Variants in TBCK observed in about 807,000 individuals in gnomAD.
TBCK encodes the protein TBC domain-containing protein kinase-like protein.
Under a neutral mutation model 113.4 loss-of-function variants are expected in TBCK, and 99 were observed. The observed-to-expected ratio is 0.87, with a 90% CI of 0.74 to 1.03. The LOEUF is 1.03. Among genes scored for constraint, TBCK ranks in the 50% least tolerant of loss-of-function variants. TBCK has a pLI of 0.00. For synonymous variants in TBCK, 369 were observed against 370.8 expected (o/e 1.00, Z 0.05); for missense variants, 1,045 against 1,061.3 (o/e 0.98, Z 0.21).
Position 106,202,600 on chromosome 4 carries a change from GT to G in TBCK, c.1861-7847del, listed in dbSNP as rs556566175. On this transcript the variant is annotated intron_variant, in intron 20 of 25. Coordinates refer to ENST00000394708, the MANE Select transcript of TBCK (RefSeq NM_001163435.3). ...AAACTGTTTCATAACAGGGGAAAAT[GT>G]TTTACAATTACTGGACTAATCAGAA... 3.5e-4 allele frequency among the ~76,000 whole-genome samples: 54 copies of G among 152,156 alleles called. No homozygotes were observed. In the South Asian group the frequency reaches 0.011, roughly 31 times the overall value.
Position 106,045,643 on chromosome 4 carries a change from G to C in TBCK, c.*927C>G, listed in dbSNP as rs1459667469. 6.6e-6 allele frequency: 1 copy of C among 152,254 alleles called. No individual in the cohort carries two copies. Among genetic ancestry groups the C allele is most frequent in the African/African-American group, 2.4e-5 (1 of 41,454 alleles). 9.4% of individuals were successfully genotyped at this position (152,254 alleles called of 1,614,324 possible). A position where few individuals can be genotyped will look rare whatever the true frequency, so the allele number is the denominator to read the frequency against. ...TGGTTTATGACCTTAAAGGGAAGGA[G>C]TGTGCTTCGCTTCTTTTCCTTTCTT... On this transcript the variant is annotated 3_prime_UTR_variant, in exon 26 of 26. Transcript: ENST00000394708.
At chr4:106,081,433 A>G (rs535261372) in intron 25 of TBCK, among the ~76,000 whole-genome samples, 3 of 152,272 alleles carry the variant, frequency 2.0e-5, no homozygotes, top group African/African-American at 7.2e-5. Flanking sequence ...AAAACCAAAT[A>G]TGTTCTCACT....
rs70941237 is a variant in TBCK, at chr4:106,130,589, TACACAC to T, written c.2236-14217_2236-14212del. On this transcript the variant is annotated intron_variant, in intron 23 of 25. Transcript: ENST00000394708. ...AATTATGGACCACTTTTGCGCTAAA[TACACAC>T]ACACACACACACACACACACACACA... Among the ~76,000 whole-genome samples the T allele has an allele frequency of 3.6e-3, 508 of 142,498 alleles. 2 individuals carry two copies. The highest frequency in any genetic ancestry group is 0.011 in the Middle Eastern group (3 of 280). The allele number at this position is 142,498 out of a possible 152,430, so 93.5% of individuals were successfully genotyped here.
At position 106,144,595 on chromosome 4, in the gene TBCK, C is replaced by A. The variant is rs1579037296; in HGVS notation, c.2235+26500G>T. Among the ~76,000 whole-genome samples, 5 of 152,100 alleles carry A rather than the reference C, an allele frequency of 3.3e-5. No homozygotes were observed. The South Asian group carries it at 1.0e-3, about 32-fold the overall frequency. ...AATGAATAAAACTTAAGTCAAAATT[C>A]TTTTAAAATTATGAGAGGGACAAAA... On this transcript the variant is annotated intron_variant, in intron 23 of 25. Transcript: ENST00000394708.
chr4:106,114,019 T>C (rs1387055917), intron 24 of TBCK, among the ~76,000 whole-genome samples: 2 of 152,154 alleles, frequency 1.3e-5, no homozygotes, highest in Non-Finnish European at 2.9e-5. Flanking sequence ...ACTCCTTAAT[T>C]GGAAAAGAAT....
chr4:106,272,042 C>T (rs1020972096), intron 3 of TBCK, among the ~76,000 whole-genome samples: 4 of 151,984 alleles, frequency 2.6e-5, no homozygotes, highest in Non-Finnish European at 4.4e-5. Flanking sequence ...CTTTGAGAAC[C>T]GCTGTCGTAG....
chr4:106,280,603 TTG>T (rs1764491231), intron 3 of TBCK, among the ~76,000 whole-genome samples: 1 of 152,162 alleles, frequency 6.6e-6, no homozygotes, highest in Non-Finnish European at 1.5e-5. Flanking sequence ...ATTTGAATTT[TTG>T]TTTATGTTGA....
intron 13 of TBCK, 81 bp from the exon 14 acceptor site, chr4:106,236,600 A>G (rs1759500590): frequency 8.0e-7 from 1 of 1,245,404 alleles, no homozygotes; most frequent in African/African-American, 1.6e-5. Context: ...AACTCTACCA[A>G]CAGTGATTTC....
In TBCK at chr4:106,247,169, G is replaced by C. The variant is rs1250038996; in HGVS notation, c.901C>G (p.Leu301Val). ...SSSLRCADLT[L>V]PEDISQLCKD... ...CACAACTGACTGATATCCTCAGGCA[G>C]AGTTAAATCAGCACATCTCAGAGAA... The change falls in exon 10 of 26, where the codon CTG becomes GTG. Residue 301 changes from leucine to valine, a missense_variant. Transcript: ENST00000394708. The C allele has an allele frequency of 6.2e-7, 1 of 1,613,400 alleles. No individual in the cohort carries two copies. The highest frequency in any genetic ancestry group is 1.7e-5 in the Admixed American group (1 of 59,896).
intron 3 of TBCK, among the ~76,000 whole-genome samples, chr4:106,262,707 T>C (rs559828301): frequency 6.6e-6 from 1 of 152,138 alleles, no homozygotes; most frequent in South Asian, 2.1e-4. Context: ...ATTTATGATT[T>C]AGCAAACTTT....
chr4:106,302,348 C>T (rs1276810673), intron 2 of TBCK, among the ~76,000 whole-genome samples: 1 of 152,032 alleles, frequency 6.6e-6, no homozygotes, highest in East Asian at 1.9e-4. Context: ...AGTTTCTAAG[C>T]GGATCAGTTC....
chr4:106,290,239 G>A (rs1031274844), intron 3 of TBCK, among the ~76,000 whole-genome samples: 1 of 152,052 alleles, frequency 6.6e-6, no homozygotes, highest in African/African-American at 2.4e-5. Flanking sequence ...GTGCAGTGGC[G>A]TGATCTCGGC....
At chr4:106,246,746 C>T (rs1479979373) in intron 10 of TBCK, among the ~76,000 whole-genome samples, 1 of 152,122 alleles carries the variant, frequency 6.6e-6, no homozygotes, top group East Asian at 1.9e-4. Flanking sequence ...TTTGCTATTT[C>T]CCCTCACCAG....
intron 6 of TBCK, among the ~76,000 whole-genome samples, chr4:106,251,513 T>C (rs928220312): frequency 3.3e-5 from 5 of 151,964 alleles, no homozygotes; most frequent in Admixed American, 2.0e-4. Context: ...CATATCAATC[T>C]TCTAAAAACG....
At position 106,155,606 on chromosome 4, in the gene TBCK, A is replaced by T. The variant is rs956467776; in HGVS notation, c.2235+15489T>A. 6.6e-5 allele frequency among the ~76,000 whole-genome samples: 10 copies of T among 151,912 alleles called. No individual in the cohort carries two copies. The South Asian group carries it at 1.9e-3, about 28-fold the overall frequency. ...TCTCTTTTGTCTCCTCTGACTGTGT[A>T]TTTTCAAACGGCCTGTCTTCAAGCT... On this transcript the variant is annotated intron_variant, in intron 23 of 25. Transcript: ENST00000394708.
chr4:106,220,736 C>T (rs930982725), intron 19 of TBCK, among the ~76,000 whole-genome samples: 1 of 152,146 alleles, frequency 6.6e-6, no homozygotes, highest in East Asian at 1.9e-4. Context: ...GTACAATTTA[C>T]ATCAGTTTCA....
chr4:106,206,975 T>C (rs1392122404), intron 20 of TBCK, among the ~76,000 whole-genome samples: 1 of 152,166 alleles, frequency 6.6e-6, no homozygotes, highest in South Asian at 2.1e-4. Flanking sequence ...CTCTTCATAA[T>C]TTGCAAGCTG....
At chr4:106,128,270 C>T (rs780459080) in intron 23 of TBCK, among the ~76,000 whole-genome samples, 2 of 152,152 alleles carry the variant, frequency 1.3e-5, no homozygotes, top group African/African-American at 4.8e-5. Flanking sequence ...CATTGTAGAG[C>T]ATACCAGAAG....
chr4:106,311,153 T>C (rs1768154727), intron 1 of TBCK, among the ~76,000 whole-genome samples: 2 of 151,286 alleles, frequency 1.3e-5, no homozygotes, highest in South Asian at 4.2e-4. Flanking sequence ...GTAAAATCAC[T>C]AGATATGTTT....
Sources: allele counts gnomAD v4.1 joint callset (sites outside exome capture counted in the v4.1 genomes callset), GRCh38; gene constraint gnomAD v4.1.1; transcripts MANE v1.5; gene names NCBI Gene and HGNC (gene_info 2026-07-23, HGNC 2026-07-21).